Variants in LMO7 observed in about 807,000 individuals in gnomAD.
The protein encoded by LMO7 is LIM domain 7.
LMO7 carries 120 observed loss-of-function variants against 206.5 expected under a neutral mutation model. The ratio of observed to expected loss-of-function variants is 0.58; its 90% CI spans 0.50 to 0.68. The LOEUF is 0.68. Ranked by LOEUF, LMO7 falls within the 30% of genes least tolerant of loss-of-function variation. The probability of loss-of-function intolerance (pLI) is 0.00; values close to 1 mark genes in which losing one functional copy is unlikely to be tolerated. For synonymous variants in LMO7, 706 were observed against 681.5 expected (o/e 1.04, Z -0.56); for missense variants, 1,959 against 1,957.9 (o/e 1.00, Z -0.01).
chr13:75,709,450 C>G (rs1304900105), intron 1 of LMO7, among the ~76,000 whole-genome samples: 1 of 151,806 alleles, frequency 6.6e-6, no homozygotes, highest in Non-Finnish European at 1.5e-5. Flanking sequence ...CATATCCTCT[C>G]CAGCACCTGT....
chr13:75,700,029 C>G (rs183233707), intron 1 of LMO7, among the ~76,000 whole-genome samples: 3 of 152,188 alleles, frequency 2.0e-5, no homozygotes, highest in African/African-American at 7.2e-5. Flanking sequence ...TTCTCCTATT[C>G]GCTTTTACAA....
At chr13:75,674,426 T>TA (rs965123981) in intron 1 of LMO7, among the ~76,000 whole-genome samples, 3 of 152,120 alleles carry the variant, frequency 2.0e-5, no homozygotes, top group Non-Finnish European at 4.4e-5. Flanking sequence ...AATACCATGT[T>TA]AAAAAAAATT....
chr13:75,837,400 T>C (rs895411690), intron 19 of LMO7, among the ~76,000 whole-genome samples: 4 of 152,224 alleles, frequency 2.6e-5, no homozygotes, highest in African/African-American at 7.2e-5. Context: ...ATCAGACATC[T>C]AGCTCTATGA....
chr13:75,807,442 A>T, intron 9 of LMO7, 38 bp from the exon 10 acceptor site: 1 of 1,598,888 alleles, frequency 6.3e-7, no homozygotes, highest in Non-Finnish European at 8.5e-7. Context: ...CCCTAAGCTT[A>T]ATAAGATTCT....
intron 3 of LMO7, among the ~76,000 whole-genome samples, chr13:75,740,331 G>A (rs2046313684): frequency 6.6e-6 from 1 of 152,244 alleles, no homozygotes. Flanking sequence ...ACTCACGCCT[G>A]TAATCCCAGC....
At position 75,752,092 on chromosome 13, in the gene LMO7, C is replaced by A. The variant is rs114417557; in HGVS notation, c.211-8840C>A. Reference sequence around the variant, plus strand: ...CATTTATGTAAATTAGACTCTCTCTCTATATATGCAACAGCACTTGTTAAA... The same window carrying A: ...CATTTATGTAAATTAGACTCTCTCTATATATATGCAACAGCACTTGTTAAA... On this transcript the variant is annotated intron_variant, in intron 3 of 30. Transcript: ENST00000377534. Among the ~76,000 whole-genome samples the A allele has an allele frequency of 5.2e-3, 778 of 149,166 alleles. 7 individuals carry two copies. The highest frequency in any genetic ancestry group is 0.016 in the African/African-American group (641 of 41,114).
chr13:75,702,008 G>A (rs1535730), intron 1 of LMO7, among the ~76,000 whole-genome samples: 62,656 of 151,858 alleles, frequency 0.41, 13,228 homozygotes, highest in East Asian at 0.61. Context: ...AATAATTGTG[G>A]TTTAGTAAAA....
intron 15 of LMO7, among the ~76,000 whole-genome samples, chr13:75,824,822 T>C (rs2057957205): frequency 6.6e-6 from 1 of 151,878 alleles, no homozygotes; most frequent in Non-Finnish European, 1.5e-5. Flanking sequence ...TATTAGAGTG[T>C]GTGTGTGTAT....
chr13:75,730,344 G>C (rs1173984353), intron 3 of LMO7, among the ~76,000 whole-genome samples: 4 of 152,128 alleles, frequency 2.6e-5, no homozygotes, highest in Non-Finnish European at 5.9e-5. Flanking sequence ...ACTTCTTCCT[G>C]GTTTAGTCTT....
intron 11 of LMO7, among the ~76,000 whole-genome samples, chr13:75,812,435 G>A (rs145721142): frequency 6.6e-6 from 1 of 151,178 alleles, no homozygotes; most frequent in African/African-American, 2.4e-5. Context: ...GAAAGTTGGG[G>A]AGCCTTAACC....
chr13:75,693,011 A>G (rs1480706686), intron 1 of LMO7, among the ~76,000 whole-genome samples: 1 of 152,194 alleles, frequency 6.6e-6, no homozygotes, highest in Non-Finnish European at 1.5e-5. Flanking sequence ...TTTGAGATTA[A>G]GACTATATTA....
intron 1 of LMO7, among the ~76,000 whole-genome samples, chr13:75,696,542 C>T (rs2139686925): frequency 6.6e-6 from 1 of 152,208 alleles, no homozygotes; most frequent in Non-Finnish European, 1.5e-5. Context: ...CAGGTTCTTT[C>T]CACTCAAAGT....
intron 1 of LMO7, among the ~76,000 whole-genome samples, chr13:75,622,699 T>G (rs1340899921): frequency 6.6e-6 from 1 of 152,234 alleles, no homozygotes; most frequent in Non-Finnish European, 1.5e-5. Flanking sequence ...TGGCAGTAAG[T>G]GTAGTGCATA....
Position 75,703,739 on chromosome 13 carries a change from T to TGTGTGTGTGTGC in LMO7, c.70-9442_70-9441insTGTGTGTGTGCG, listed in dbSNP as rs57290262. 9.6e-3 allele frequency among the ~76,000 whole-genome samples: 1,457 copies of TGTGTGTGTGTGC among 151,752 alleles called. 29 individuals are homozygous for TGTGTGTGTGTGC. Among genetic ancestry groups the TGTGTGTGTGTGC allele is most frequent in the African/African-American group, 0.032 (1,309 of 41,240 alleles). ...TTGTGTGTGTGTGTGTGTGTGTGTG[T>TGTGTGTGTGTGC]GCACTGTGAGGACAGTTTAAAAAGT... On this transcript the variant is annotated intron_variant, in intron 1 of 30. Coordinates refer to ENST00000377534, the MANE Select transcript of LMO7 (RefSeq NM_001306080.2).
chr13:75,855,537 T>C (rs1566630765), intron 29 of LMO7, among the ~76,000 whole-genome samples, 169 bp downstream of exon 29: 1 of 152,252 alleles, frequency 6.6e-6, no homozygotes, highest in South Asian at 2.1e-4. Flanking sequence ...TTCTCAAATC[T>C]TGAACCTTGT....
chr13:75,662,574 C>G (rs754533571), intron 1 of LMO7, among the ~76,000 whole-genome samples: 1 of 152,186 alleles, frequency 6.6e-6, no homozygotes, highest in Non-Finnish European at 1.5e-5. Context: ...CTGCTTAGGC[C>G]TCCCAAAGTG....
At chr13:75,621,471 G>A (rs2033307807) in exon 1 of LMO7, 1 of 271,858 alleles carries the variant, frequency 3.7e-6, no homozygotes, top group African/African-American at 2.2e-5. Context: ...ACTCTTGGGG[G>A]CAAAGAATGC....
intron 3 of LMO7, chr13:75,760,371 C>T (rs1479471300): frequency 1.9e-6 from 2 of 1,045,828 alleles, no homozygotes; most frequent in South Asian, 3.8e-5. Context: ...CTCCTCAGTC[C>T]TATAGTATGG....
exon 1 of LMO7, chr13:75,620,665 G>A (rs1566241776): frequency 6.6e-6 from 1 of 152,120 alleles, no homozygotes; most frequent in Non-Finnish European, 1.5e-5. Flanking sequence ...AGTGAATCTT[G>A]GGCAGGAGAA....
Sources: gnomAD v4.1 joint callset for allele counts (sites outside exome capture counted in the v4.1 genomes callset) on GRCh38, gnomAD v4.1.1 for gene constraint, MANE v1.5 for transcripts, NCBI Gene and HGNC (gene_info 2026-07-23, HGNC 2026-07-21) for gene names.